PLA2G4E: variants seen among roughly 807,000 people sequenced by gnomAD.
PLA2G4E encodes phospholipase A2 group IVE, also known as cytosolic phospholipase A2 epsilon.
In PLA2G4E, 84 loss-of-function variants were observed where a neutral mutation model predicts 109.1. The ratio of observed to expected loss-of-function variants is 0.77; its 90% CI spans 0.65 to 0.92. PLA2G4E has a LOEUF of 0.92. Ranked by LOEUF, PLA2G4E falls within the 40% of genes least tolerant of loss-of-function variation. The pLI is 0.00. For synonymous variants in PLA2G4E, 469 were observed against 436.1 expected (o/e 1.08, Z -0.94); for missense variants, 1,057 against 1,076.6 (o/e 0.98, Z 0.25).
At chr15:42,046,287 C>T (rs1273656369) in intron 1 of PLA2G4E, among the ~76,000 whole-genome samples, 2 of 152,242 alleles carry the variant, frequency 1.3e-5, no homozygotes, top group Admixed American at 6.5e-5. Context: ...ATGGGCTCCC[C>T]CTGTCTTTTG....
In PLA2G4E at chr15:42,030,359, G is replaced by A. The variant is rs146913777; in HGVS notation, c.184-16602C>T. 2.9e-3 allele frequency among the ~76,000 whole-genome samples: 438 copies of A among 152,256 alleles called. 2 individuals carry two copies. The highest frequency in any genetic ancestry group is 9.9e-3 in the African/African-American group (409 of 41,522). On this transcript the variant is annotated intron_variant, in intron 1 of 19. Transcript: ENST00000399518. ...CCATCATGGGGCTCCTGGAGCAAGT[G>A]GTAGCCTGCAAAACGCCCCAGATCA...
chr15:42,012,786 G>C (rs1052677071), intron 2 of PLA2G4E, among the ~76,000 whole-genome samples: 2 of 152,208 alleles, frequency 1.3e-5, no homozygotes, highest in African/African-American at 4.8e-5. Context: ...TGTCTTCTCT[G>C]CCCCTCTCAG....
intron 1 of PLA2G4E, among the ~76,000 whole-genome samples, chr15:42,038,304 G>A (rs1889253369): frequency 6.6e-6 from 1 of 152,090 alleles, no homozygotes; most frequent in African/African-American, 2.4e-5. Context: ...TGATTCAAGT[G>A]CTTTACATTT....
intron 12 of PLA2G4E, among the ~76,000 whole-genome samples, chr15:41,995,152 C>A (rs1472999840): frequency 6.6e-6 from 1 of 152,246 alleles, no homozygotes; most frequent in Admixed American, 6.5e-5. Context: ...GTCAGAGCTA[C>A]TGTTATCCGC....
At chr15:42,030,215 C>A (rs913759406) in intron 1 of PLA2G4E, among the ~76,000 whole-genome samples, 2 of 152,152 alleles carry the variant, frequency 1.3e-5, no homozygotes, top group African/African-American at 4.8e-5. Context: ...AGCAGTGGAA[C>A]TCATGGCAGG....
Position 42,044,857 on chromosome 15 carries a change from G to C in PLA2G4E, c.183+5664C>G, listed in dbSNP as rs191964405. 2.1e-3 allele frequency among the ~76,000 whole-genome samples: 326 copies of C among 152,268 alleles called. 1 individual carries two copies. The highest frequency in any genetic ancestry group is 7.7e-3 in the African/African-American group (318 of 41,564). ...GGTGGGGACAGAATTGGGCAGGACA[G>C]GGACAGGAAGATGTGTTGTAGTGGC... On this transcript the variant is annotated intron_variant, in intron 1 of 19. Coordinates refer to ENST00000399518, the Ensembl canonical transcript of PLA2G4E.
At chr15:42,046,109 C>G (rs1178992495) in intron 1 of PLA2G4E, among the ~76,000 whole-genome samples, 1 of 152,150 alleles carries the variant, frequency 6.6e-6, no homozygotes, top group African/African-American at 2.4e-5. Flanking sequence ...CCAATGCTAC[C>G]ACCCCTAACC....
chr15:42,012,914 G>A (rs2068551595), intron 2 of PLA2G4E, among the ~76,000 whole-genome samples: 1 of 152,212 alleles, frequency 6.6e-6, no homozygotes, highest in African/African-American at 2.4e-5. Flanking sequence ...CCCCTTGGGG[G>A]CCAACTTCCC....
chr15:41,995,256 T>C, intron 12 of PLA2G4E, 104 bp downstream of exon 12: 1 of 1,426,936 alleles, frequency 7.0e-7, no homozygotes, highest in Non-Finnish European at 9.5e-7. Flanking sequence ...GCTTCAGGAG[T>C]CACTTTGTCT....
At chr15:42,000,250 A>G in exon 8 of PLA2G4E, 1 of 1,578,052 alleles carries the variant, frequency 6.3e-7, no homozygotes, top group Non-Finnish European at 8.6e-7. Context: ...GTGTTCTCAA[A>G]GGATTCGTTC....
rs1414270939 is a variant in PLA2G4E at position 42,050,590 on chromosome 15, G to A, written c.114C>T (p.Phe38=). The stretch of plus-strand genomic sequence containing the variant: ...GAGTGTCCAGGTCCTGTGTATCCTC[G>A]AACTCACTGAAACTTCTTCCTGACC... Residue 38 remains phenylalanine, a synonymous_variant, in exon 1 of 20, where the codon TTC becomes TTT. Transcript: ENST00000399518. The A allele has an allele frequency of 2.1e-5, 33 of 1,550,598 alleles. 1 individual carries two copies. The highest frequency in any genetic ancestry group is 7.3e-5 in the East Asian group (3 of 40,922).
At chr15:41,992,132 G>A (rs958275568) in intron 13 of PLA2G4E, among the ~76,000 whole-genome samples, 1 of 152,158 alleles carries the variant, frequency 6.6e-6, no homozygotes, top group Non-Finnish European at 1.5e-5. Flanking sequence ...CATGAGAACG[G>A]GCCCTGCAGA....
intron 11 of PLA2G4E, among the ~76,000 whole-genome samples, chr15:41,995,835 G>T (rs867954878): frequency 6.6e-6 from 1 of 152,210 alleles, no homozygotes; most frequent in South Asian, 2.1e-4. Flanking sequence ...AGGGTGGTGG[G>T]CAGCTTGTTC....
At chr15:42,049,686 G>A (rs1050572341) in intron 1 of PLA2G4E, among the ~76,000 whole-genome samples, 1 of 152,156 alleles carries the variant, frequency 6.6e-6, no homozygotes, top group South Asian at 2.1e-4. Flanking sequence ...GGAGGTGAGG[G>A]GATCTTGGCC....
chr15:42,007,760 C>A, exon 3 of PLA2G4E: 1 of 1,612,758 alleles, frequency 6.2e-7, no homozygotes, highest in South Asian at 1.1e-5. Context: ...GAAGTTGAAG[C>A]TTTCATTCCA....
rs2068101895 is a variant in PLA2G4E, at chr15:41,984,103, C to T, written c.2387-129G>A. 4.8e-6 allele frequency: 4 copies of T among 834,596 alleles called. No individual in the cohort carries two copies. The Admixed American group carries it at 8.6e-5, about 18-fold the overall frequency. 51.7% of individuals were successfully genotyped at this position (834,596 alleles called of 1,614,324 possible). On this transcript the variant is annotated intron_variant, in intron 19 of 19. Transcript: ENST00000399518. The stretch of plus-strand genomic sequence containing the variant: ...ACACACCTGCATGAAAACCTGTACA[C>T]ACGCACACCCTCACACACGCACCTG...
intron 1 of PLA2G4E, among the ~76,000 whole-genome samples, chr15:42,045,659 A>G (rs959591654): frequency 1.3e-5 from 2 of 152,140 alleles, no homozygotes; most frequent in African/African-American, 4.8e-5. Context: ...GCTGCTTTGC[A>G]TCTACTCTGA....
intron 15 of PLA2G4E, among the ~76,000 whole-genome samples, chr15:41,989,029 A>G (rs1217743096): frequency 1.3e-5 from 2 of 152,198 alleles, no homozygotes; most frequent in Non-Finnish European, 2.9e-5. Flanking sequence ...CGAGGCGCTT[A>G]GGGTGGGAGG....
chr15:42,019,415 C>A (rs2068626969), intron 1 of PLA2G4E, among the ~76,000 whole-genome samples: 1 of 152,196 alleles, frequency 6.6e-6, no homozygotes, highest in Admixed American at 6.5e-5. Flanking sequence ...GGATCCGATG[C>A]CCATCGCTGG....
Sources: gnomAD v4.1 joint callset for allele counts (sites outside exome capture counted in the v4.1 genomes callset) on GRCh38, gnomAD v4.1.1 for gene constraint, MANE v1.5 for transcripts, NCBI Gene and HGNC (gene_info 2026-07-23, HGNC 2026-07-21) for gene names.